Variants in UBE2G1 observed in about 807,000 individuals in gnomAD.
The protein encoded by UBE2G1 is ubiquitin-conjugating enzyme E2 G1.
In UBE2G1, 5 loss-of-function variants were observed where a neutral mutation model predicts 22.7. That is an observed-to-expected ratio of 0.22 (90% confidence interval 0.12 to 0.46). The LOEUF is 0.46. Among genes scored for constraint, UBE2G1 ranks in the 20% least tolerant of loss-of-function variants. UBE2G1 has a pLI of 0.99. For missense variants in UBE2G1, 88 were observed against 203.9 expected, an observed-to-expected ratio of 0.43 and a Z score of 3.46; for synonymous variants, 74 against 67.5, an observed-to-expected ratio of 1.10 and a Z score of -0.47.
chr17:4,324,822 A>T, intron 1 of UBE2G1, among the ~76,000 whole-genome samples: 1 of 152,152 alleles, frequency 6.6e-6, no homozygotes, highest in East Asian at 1.9e-4. Flanking sequence ...TCACGCCCGT[A>T]ATCCCAGCAT....
chr17:4,284,829 CTTTTCTTTCTTTT>C lies in UBE2G1; in HGVS notation c.427-1921_427-1909del, dbSNP rs1968940831. 9.4e-4 allele frequency among the ~76,000 whole-genome samples: 64 copies of C among 68,046 alleles called. 2 individuals are homozygous for C. The highest frequency in any genetic ancestry group is 6.5e-3 in the East Asian group (13 of 1,990). The allele number at this position is 68,046 out of a possible 152,430, so 44.6% of individuals were successfully genotyped here. A position where few individuals can be genotyped will look rare whatever the true frequency, so the allele number is the denominator to read the frequency against. ...TTTCTTTTTCTTTTTCTTTTCTTTT[CTTTTCTTTCTTTT>C]TTTTTTTTTTTTTTTTTTTGGAGAT... On this transcript the variant is annotated intron_variant, in intron 4 of 5. Transcript: ENST00000396981.
intron 1 of UBE2G1, among the ~76,000 whole-genome samples, chr17:4,324,099 T>C (rs75378249): frequency 0.011 from 1,617 of 152,304 alleles, 16 homozygotes; most frequent in Non-Finnish European, 0.017. Context: ...CACCAAATAA[T>C]TGTTCGAATT....
At chr17:4,355,369 G>A (rs551816040) in intron 1 of UBE2G1, among the ~76,000 whole-genome samples, 27 of 150,824 alleles carry the variant, frequency 1.8e-4, no homozygotes, top group Admixed American at 4.6e-4. Flanking sequence ...GGCTGGGAGC[G>A]ATGGCTCAAG....
chr17:4,335,902 T>C (rs901734241), intron 1 of UBE2G1, among the ~76,000 whole-genome samples: 2 of 152,074 alleles, frequency 1.3e-5, no homozygotes, highest in Admixed American at 1.3e-4. Context: ...TCCCAGCACT[T>C]TGGGAGGCCA....
intron 1 of UBE2G1, among the ~76,000 whole-genome samples, chr17:4,326,241 T>C (rs1484313397): frequency 2.0e-5 from 3 of 152,170 alleles, no homozygotes; most frequent in South Asian, 4.2e-4. Flanking sequence ...TACAACTCAA[T>C]AACAACAAGA....
intron 1 of UBE2G1, among the ~76,000 whole-genome samples, chr17:4,308,582 C>A (rs922263980): frequency 3.3e-5 from 5 of 152,104 alleles, no homozygotes; most frequent in African/African-American, 1.2e-4. Flanking sequence ...ACCAGAGGAA[C>A]CAACACAACA....
At chr17:4,364,867 C>A (rs1167963148) in intron 1 of UBE2G1, among the ~76,000 whole-genome samples, 1 of 152,260 alleles carries the variant, frequency 6.6e-6, no homozygotes, top group Non-Finnish European at 1.5e-5. Flanking sequence ...CAGGCGTGAG[C>A]CAGCGCGCCC....
intron 1 of UBE2G1, among the ~76,000 whole-genome samples, chr17:4,364,886 T>C (rs1182161155): frequency 2.0e-5 from 3 of 152,370 alleles, no homozygotes; most frequent in Non-Finnish European, 4.4e-5. Context: ...CCGGCCTCAG[T>C]GCTTTTCCAG....
intron 3 of UBE2G1, among the ~76,000 whole-genome samples, chr17:4,295,032 C>G (rs932311648): frequency 2.0e-5 from 3 of 152,106 alleles, no homozygotes; most frequent in African/African-American, 7.2e-5. Flanking sequence ...AGCTAGCTAG[C>G]TTAAGGCTCC....
intron 3 of UBE2G1, among the ~76,000 whole-genome samples, chr17:4,294,415 C>CAAAAA (rs68047533): frequency 2.1e-4 from 25 of 117,144 alleles, no homozygotes; most frequent in African/African-American, 9.7e-4. Context: ...GACTCCGTCT[C>CAAAAA]AAAAAAAAAA....
chr17:4,329,471 T>G (rs1420541934), intron 1 of UBE2G1, among the ~76,000 whole-genome samples: 1 of 149,364 alleles, frequency 6.7e-6, no homozygotes, highest in South Asian at 2.1e-4. Context: ...GGCAGGAGGA[T>G]CGCTTGATCC....
intron 1 of UBE2G1, among the ~76,000 whole-genome samples, chr17:4,333,329 G>A (rs1383880178): frequency 6.6e-6 from 1 of 152,076 alleles, no homozygotes; most frequent in African/African-American, 2.4e-5. Context: ...TTTAAAAGAA[G>A]AGAAGAAAAA....
chr17:4,324,506 G>C (rs1969478576), intron 1 of UBE2G1, among the ~76,000 whole-genome samples: 1 of 152,136 alleles, frequency 6.6e-6, no homozygotes, highest in South Asian at 2.1e-4. Flanking sequence ...GCTTTCATGT[G>C]TGGTTCCCAT....
chr17:4,344,478 T>C (rs1213423005), intron 1 of UBE2G1, among the ~76,000 whole-genome samples: 2 of 150,996 alleles, frequency 1.3e-5, no homozygotes, highest in Non-Finnish European at 2.9e-5. Context: ...AGGCGGAGGC[T>C]GCAATGAGCC....
chr17:4,310,379 A>G (rs929045516), intron 1 of UBE2G1, among the ~76,000 whole-genome samples: 28 of 152,268 alleles, frequency 1.8e-4, no homozygotes, highest in Admixed American at 1.4e-3. Context: ...AGAAGGGCAC[A>G]TAACATAATC....
Position 4,272,343 on chromosome 17 carries a change from C to T in UBE2G1, c.*211G>A, listed in dbSNP as rs1968770882. The stretch of plus-strand genomic sequence containing the variant: ...AAGGTTAAAACAGTTCATTAGAATT[C>T]AAAATGCGTAATCATCTGTAAGTTG... On this transcript the variant is annotated 3_prime_UTR_variant, in exon 6 of 6. Transcript: ENST00000396981. 1 of 178,954 alleles carries T rather than the reference C, an allele frequency of 5.6e-6. No individual in the cohort carries two copies. The highest frequency in any genetic ancestry group is 1.2e-5 in the Non-Finnish European group (1 of 84,474). 11.1% of individuals were successfully genotyped at this position (178,954 alleles called of 1,614,324 possible).
intron 3 of UBE2G1, among the ~76,000 whole-genome samples, chr17:4,295,014 G>A (rs1969092612): frequency 2.0e-5 from 3 of 152,094 alleles, no homozygotes; most frequent in Admixed American, 2.0e-4. Flanking sequence ...GAGGGAGGGA[G>A]GAAGGCAAGC....
At chr17:4,345,632 G>A (rs1159548356) in intron 1 of UBE2G1, 1 of 152,130 alleles carries the variant, frequency 6.6e-6, no homozygotes, top group African/African-American at 2.4e-5. Context: ...ATTTACCATT[G>A]AACTTTCTTT....
intron 1 of UBE2G1, among the ~76,000 whole-genome samples, chr17:4,365,393 C>T (rs1970020621): frequency 6.6e-6 from 1 of 152,270 alleles, no homozygotes; most frequent in Non-Finnish European, 1.5e-5. Flanking sequence ...TAGGAGCCAA[C>T]CCCCTAAAAA....
Sources: gnomAD v4.1 joint callset for allele counts (sites outside exome capture counted in the v4.1 genomes callset) on GRCh38, gnomAD v4.1.1 for gene constraint, MANE v1.5 for transcripts, NCBI Gene and HGNC (gene_info 2026-07-23, HGNC 2026-07-21) for gene names.